The following PBX3 variants were observed in gnomAD, a reference collection of about 807,000 sequenced individuals.
PBX3 encodes PBX homeobox 3.
A neutral mutation model predicts 48.5 loss-of-function variants in PBX3; 14 were observed. The observed-to-expected ratio is 0.29, with a 90% CI of 0.19 to 0.45. The LOEUF (loss-of-function observed/expected upper bound fraction) is 0.45. PBX3 is among the 20% of genes least tolerant of loss of function. The pLI, the probability that PBX3 is intolerant of heterozygous loss-of-function variation, is 1.00. For missense variants in PBX3, 386 were observed against 546.7 expected (o/e 0.71, Z 2.93); for synonymous variants, 210 against 200.3 (o/e 1.05, Z -0.41).
intron 2 of PBX3, among the ~76,000 whole-genome samples, chr9:125,886,365 G>GT (rs1840502049): frequency 6.6e-6 from 1 of 152,040 alleles, no homozygotes; most frequent in Admixed American, 6.5e-5. Context: ...TTTTTATCAG[G>GT]TTTTTATCTC....
At chr9:125,753,087 C>T (rs1012346764) in intron 2 of PBX3, among the ~76,000 whole-genome samples, 1 of 152,088 alleles carries the variant, frequency 6.6e-6, no homozygotes, top group Non-Finnish European at 1.5e-5. Flanking sequence ...TCTGTAATTC[C>T]CACCATTCCA....
rs182781171 is a variant in PBX3, at chr9:125,886,081, G to T, written c.275-29605G>T. On this transcript the variant is annotated intron_variant, in intron 2 of 8. Coordinates refer to ENST00000373489, the MANE Select transcript of PBX3 (RefSeq NM_006195.6). ...CTTTGCAACTTTGCTCATGTAAGTTGTACTGGAGGAAGTTATTTTGAGTGA... is the reference window on the plus strand; with the variant it reads ...CTTTGCAACTTTGCTCATGTAAGTTTTACTGGAGGAAGTTATTTTGAGTGA... Among the ~76,000 whole-genome samples the T allele has an allele frequency of 1.8e-3, 268 of 152,162 alleles. 1 individual carries two copies. Among genetic ancestry groups the T allele is most frequent in the Non-Finnish European group, 3.0e-3 (207 of 67,946 alleles).
intron 2 of PBX3, among the ~76,000 whole-genome samples, chr9:125,755,650 C>A (rs927490042): frequency 7.1e-6 from 1 of 141,034 alleles, no homozygotes; most frequent in African/African-American, 2.6e-5. Context: ...AAATTGAGAG[C>A]TTTAGCATCA....
At chr9:125,892,529 A>G (rs1840672992) in intron 2 of PBX3, among the ~76,000 whole-genome samples, 1 of 152,220 alleles carries the variant, frequency 6.6e-6, no homozygotes, top group Non-Finnish European at 1.5e-5. Context: ...TTATAGTGAT[A>G]TGAAGCTTAT....
intron 2 of PBX3, among the ~76,000 whole-genome samples, chr9:125,810,985 G>T (rs187092049): frequency 6.6e-6 from 1 of 152,238 alleles, no homozygotes; most frequent in African/African-American, 2.4e-5. Context: ...AGGCACTCCT[G>T]GGGATCCTGT....
intron 3 of PBX3, among the ~76,000 whole-genome samples, 187 bp from the exon 4 acceptor site, chr9:125,929,468 C>T (rs1452007562): frequency 2.6e-5 from 4 of 152,154 alleles, no homozygotes; most frequent in South Asian, 2.1e-4. Flanking sequence ...TGACCATGCA[C>T]GGTTTCAGAA....
At chr9:125,756,853 A>G (rs954639851) in intron 2 of PBX3, among the ~76,000 whole-genome samples, 1 of 152,180 alleles carries the variant, frequency 6.6e-6, no homozygotes, top group Non-Finnish European at 1.5e-5. Context: ...TAAATGAAAC[A>G]CTTGGTTACT....
At chr9:125,961,965 C>T (rs1842438820) in intron 6 of PBX3, 137 bp from the exon 7 acceptor site, 2 of 484,828 alleles carry the variant, frequency 4.1e-6, no homozygotes, top group Non-Finnish European at 7.4e-6. Context: ...TACTCTCCAT[C>T]CTCTTAGATC....
intron 2 of PBX3, among the ~76,000 whole-genome samples, chr9:125,900,260 T>C (rs1173284056): frequency 6.9e-6 from 1 of 144,144 alleles, no homozygotes; most frequent in Admixed American, 7.0e-5. Flanking sequence ...TTTAACACTT[T>C]ACCATTTTTG....
At chr9:125,829,152 A>T (rs1238141778) in intron 2 of PBX3, among the ~76,000 whole-genome samples, 1 of 152,220 alleles carries the variant, frequency 6.6e-6, no homozygotes, top group Admixed American at 6.5e-5. Context: ...AATGTTAAAG[A>T]CGATTCGTTG....
At chr9:125,780,164 G>A (rs1408765086) in intron 2 of PBX3, among the ~76,000 whole-genome samples, 5 of 135,358 alleles carry the variant, frequency 3.7e-5, no homozygotes, top group Admixed American at 2.9e-4. Context: ...CTCACCTCCC[G>A]GACGGGGCGG....
At chr9:125,946,827 A>G (rs1258817885) in intron 5 of PBX3, among the ~76,000 whole-genome samples, 4 of 152,214 alleles carry the variant, frequency 2.6e-5, no homozygotes, top group Admixed American at 6.5e-5. Context: ...AAAACTTTCC[A>G]AAACCCATAG....
chr9:125,853,058 T>TC (rs138071927), intron 2 of PBX3, among the ~76,000 whole-genome samples: 8,354 of 152,212 alleles, frequency 0.055, 746 homozygotes, highest in African/African-American at 0.19. Flanking sequence ...TGCAGGACTG[T>TC]CCAGTGGAGT....
At chr9:125,934,983 G>C (rs1841802039) in intron 4 of PBX3, among the ~76,000 whole-genome samples, 1 of 152,104 alleles carries the variant, frequency 6.6e-6, no homozygotes, top group South Asian at 2.1e-4. Context: ...ATTGCACTCA[G>C]CATAAAATCC....
At chr9:125,902,927 TTTA>T (rs1348935536) in intron 2 of PBX3, among the ~76,000 whole-genome samples, 1 of 151,790 alleles carries the variant, frequency 6.6e-6, no homozygotes, top group African/African-American at 2.4e-5. Flanking sequence ...AATTATGCTT[TTTA>T]TTATTCTTTT....
At position 125,748,539 on chromosome 9, in the gene PBX3, T is replaced by C; in HGVS notation, c.201-11T>C. On this transcript the variant is annotated splice_polypyrimidine_tract_variant and intron_variant, in intron 1 of 8. Transcript: ENST00000373489. ...TGCTAATACCTTTGTGTTTCGTTAT[T>C]TGTTTTTTAGGAAACATGCCCTGAA... is the stretch of plus-strand genomic sequence containing the variant. 6.2e-7 allele frequency: 1 copy of C among 1,613,354 alleles called. No individual in the cohort carries two copies.
At chr9:125,757,027 T>C (rs1157811548) in intron 2 of PBX3, among the ~76,000 whole-genome samples, 1 of 152,164 alleles carries the variant, frequency 6.6e-6, no homozygotes, top group African/African-American at 2.4e-5. Context: ...TAAACAAAGG[T>C]TTCTACAGGC....
chr9:125,887,972 G>A (rs1840539942), intron 2 of PBX3, among the ~76,000 whole-genome samples: 1 of 152,154 alleles, frequency 6.6e-6, no homozygotes, highest in African/African-American at 2.4e-5. Flanking sequence ...GTGCAAATGT[G>A]TGATGAATCA....
At chr9:125,777,428 T>G (rs1337051703) in intron 2 of PBX3, among the ~76,000 whole-genome samples, 1 of 151,566 alleles carries the variant, frequency 6.6e-6, no homozygotes, top group African/African-American at 2.4e-5. Flanking sequence ...TGATCTGGGC[T>G]CACTGCAACC....
Sources: gnomAD v4.1 joint callset for allele counts (sites outside exome capture counted in the v4.1 genomes callset) on GRCh38, gnomAD v4.1.1 for gene constraint, MANE v1.5 for transcripts, NCBI Gene and HGNC (gene_info 2026-07-23, HGNC 2026-07-21) for gene names.